The following SPSB4 variants were observed in gnomAD, a reference collection of about 807,000 sequenced individuals.
SPSB4 encodes splA/ryanodine receptor domain and SOCS box containing 4, also known as SPRY domain-containing SOCS box protein 4.
SPSB4 carries 21 observed loss-of-function variants against 20.9 expected under a neutral mutation model. The ratio of observed to expected loss-of-function variants is 1.01; its 90% confidence interval spans 0.71 to 1.45. The LOEUF (loss-of-function observed/expected upper bound fraction) is 1.45. SPSB4 is among the 40% of genes most tolerant of loss of function. The probability of loss-of-function intolerance (pLI) is 0.00; values close to 1 mark genes in which losing one functional copy is unlikely to be tolerated. For synonymous variants in SPSB4, 207 were observed against 183.8 expected (o/e 1.13, Z -1.02); for missense variants, 399 against 399.2 (o/e 1.00, Z 0.00).
intron 2 of SPSB4, among the ~76,000 whole-genome samples, chr3:141,145,160 G>A (rs149766744): frequency 8.4e-4 from 126 of 150,832 alleles, no homozygotes; most frequent in African/African-American, 2.9e-3. Flanking sequence ...CTATTCTGAA[G>A]ATTTTGTACA....
intron 2 of SPSB4, among the ~76,000 whole-genome samples, chr3:141,112,644 CA>C (rs60396514): frequency 0.079 from 2,608 of 32,842 alleles, 24 homozygotes; most frequent in East Asian, 0.19. Flanking sequence ...GACTCCGTCT[CA>C]AAAAAAAAAA....
At chr3:141,109,236 C>A (rs2107797726) in intron 2 of SPSB4, among the ~76,000 whole-genome samples, 1 of 152,226 alleles carries the variant, frequency 6.6e-6, no homozygotes, top group Non-Finnish European at 1.5e-5. Context: ...TCCACTCACA[C>A]CTTGCCATGC....
chr3:141,140,988 C>T (rs1265849434), intron 2 of SPSB4, among the ~76,000 whole-genome samples: 1 of 152,100 alleles, frequency 6.6e-6, no homozygotes, highest in Non-Finnish European at 1.5e-5. Context: ...CCAGTTTGAG[C>T]TTCCTGGCCA....
chr3:141,118,652 T>C (rs951189645), intron 2 of SPSB4, among the ~76,000 whole-genome samples: 3 of 152,232 alleles, frequency 2.0e-5, no homozygotes, highest in African/African-American at 7.2e-5. Flanking sequence ...TAATCCATCT[T>C]GAGTTAATTT....
intron 1 of SPSB4, among the ~76,000 whole-genome samples, chr3:141,061,873 C>A (rs1937772872): frequency 6.6e-6 from 1 of 152,000 alleles, no homozygotes; most frequent in South Asian, 2.1e-4. Flanking sequence ...GTAGCTGGGA[C>A]TACAGGCGTG....
chr3:141,112,983 C>T (rs537362232), intron 2 of SPSB4, among the ~76,000 whole-genome samples: 2 of 152,306 alleles, frequency 1.3e-5, no homozygotes, highest in African/African-American at 4.8e-5. Context: ...CTGGACAGAG[C>T]CCCTCCAGGT....
chr3:141,053,348 A>T (rs182418176), intron 1 of SPSB4, among the ~76,000 whole-genome samples: 7 of 152,098 alleles, frequency 4.6e-5, no homozygotes, highest in African/African-American at 1.7e-4. Flanking sequence ...TTCCATTTTT[A>T]AAAATGGTAA....
rs1423307849 is a variant in SPSB4, at chr3:141,092,081, CTGGATTTG to C, written c.694+25287_694+25294del. On this transcript the variant is annotated intron_variant, in intron 2 of 2. Transcript: ENST00000310546. ...CTGGCAGCATGGGGACAGGCAAGGT[CTGGATTTG>C]TGGGAAGCAGAATGTCAGTTTTGAA... Among the ~76,000 whole-genome samples the C allele has an allele frequency of 3.3e-5, 5 of 152,320 alleles. No homozygotes were observed. In the East Asian group the frequency reaches 9.6e-4, roughly 29 times the overall value.
intron 2 of SPSB4, among the ~76,000 whole-genome samples, chr3:141,087,192 G>A (rs1490466569): frequency 6.6e-6 from 1 of 152,184 alleles, no homozygotes; most frequent in Non-Finnish European, 1.5e-5. Flanking sequence ...TCCTTCTGGG[G>A]CTGGCGTAGC....
At chr3:141,075,733 T>C (rs1054249489) in intron 2 of SPSB4, among the ~76,000 whole-genome samples, 4 of 152,082 alleles carry the variant, frequency 2.6e-5, no homozygotes, top group Non-Finnish European at 5.9e-5. Context: ...CCATGCTGAA[T>C]GATCCCGCAG....
intron 2 of SPSB4, among the ~76,000 whole-genome samples, chr3:141,131,759 T>C (rs899043200): frequency 6.6e-6 from 1 of 152,242 alleles, no homozygotes; most frequent in African/African-American, 2.4e-5. Flanking sequence ...TGCTTTCAGT[T>C]TGGTGCTGTT....
intron 2 of SPSB4, among the ~76,000 whole-genome samples, chr3:141,069,370 C>T (rs982061328): frequency 2.0e-5 from 3 of 152,132 alleles, no homozygotes; most frequent in African/African-American, 7.2e-5. Flanking sequence ...CACCATGAAT[C>T]CCTGGGTTTG....
Position 141,066,467 on chromosome 3 carries a change from T to C in SPSB4, c.363T>C (p.Arg121=). 1 of 1,499,070 alleles carries C rather than the reference T, an allele frequency of 6.7e-7. No homozygotes were observed. The highest frequency in any genetic ancestry group is 8.9e-7 in the Non-Finnish European group (1 of 1,124,220). The allele number at this position is 1,499,070 out of a possible 1,614,324, so 92.9% of individuals were successfully genotyped here. A position where few individuals can be genotyped will look rare whatever the true frequency, so the allele number is the denominator to read the frequency against. ...THAVVGVATA[R]APLHSVGYTA... ...CTGTAGTTGGTGTGGCCACGGCCCGTGCTCCCCTGCACTCCGTGGGCTACA... is the reference window on the plus strand; with the variant it reads ...CTGTAGTTGGTGTGGCCACGGCCCGCGCTCCCCTGCACTCCGTGGGCTACA... Residue 121 remains arginine, a synonymous_variant, in exon 2 of 3, where the codon CGT becomes CGC. Transcript: ENST00000310546.
intron 1 of SPSB4, among the ~76,000 whole-genome samples, chr3:141,054,499 G>A (rs1173856350): frequency 6.6e-6 from 1 of 152,208 alleles, no homozygotes; most frequent in Non-Finnish European, 1.5e-5. Context: ...TCAAGAAATA[G>A]GGATTTGTTT....
At chr3:141,135,646 T>A (rs1939215074) in intron 2 of SPSB4, among the ~76,000 whole-genome samples, 1 of 152,180 alleles carries the variant, frequency 6.6e-6, no homozygotes, top group Non-Finnish European at 1.5e-5. Flanking sequence ...TCCAGCTTCA[T>A]CCATTTCCCT....
chr3:141,076,805 A>C (rs1938119397), intron 2 of SPSB4, among the ~76,000 whole-genome samples: 1 of 152,218 alleles, frequency 6.6e-6, no homozygotes, highest in Admixed American at 6.5e-5. Context: ...GAGTTTACTG[A>C]AGCCAGCATT....
chr3:141,065,592 C>T (rs902030166), intron 1 of SPSB4, among the ~76,000 whole-genome samples: 4 of 152,350 alleles, frequency 2.6e-5, no homozygotes, highest in East Asian at 1.9e-4. Flanking sequence ...GTTCTAGGTC[C>T]GGAACACAGA....
In SPSB4 at chr3:141,131,767, G is replaced by A. The variant is rs570548637; in HGVS notation, c.695-15375G>A. Among the ~76,000 whole-genome samples, 5 of 152,314 alleles carry A rather than the reference G, an allele frequency of 3.3e-5. No individual in the cohort carries two copies. The South Asian group carries it at 8.3e-4, about 25-fold the overall frequency. On this transcript the variant is annotated intron_variant, in intron 2 of 2. Coordinates refer to ENST00000310546, the MANE Select transcript of SPSB4 (RefSeq NM_080862.3). Reference sequence around the variant, plus strand: ...GAATTGTTGCTTTCAGTTTGGTGCTGTTACAAGTAATGCTCCTATGAGCAT... The same window carrying A: ...GAATTGTTGCTTTCAGTTTGGTGCTATTACAAGTAATGCTCCTATGAGCAT...
chr3:141,066,493 C>G lies in SPSB4; in HGVS notation c.389C>G (p.Thr130Arg). ...GCTCCCCTGCACTCCGTGGGCTACA[C>G]GGCGCTGGTAGGCAGTGACGCCGAG... ...ARAPLHSVGY[T>R]ALVGSDAESW... The change falls in exon 2 of 3, where the codon ACG (threonine) becomes AGG (arginine). Residue 130 changes from threonine to arginine, a missense_variant. Coordinates refer to ENST00000310546, the MANE Select transcript of SPSB4 (RefSeq NM_080862.3). 1 of 1,501,492 alleles carries G rather than the reference C, an allele frequency of 6.7e-7. No homozygotes were observed. Among genetic ancestry groups the G allele is most frequent in the Non-Finnish European group, 8.9e-7 (1 of 1,124,586 alleles). The allele number at this position is 1,501,492 out of a possible 1,614,324, so 93.0% of individuals were successfully genotyped here.
Sources: allele counts gnomAD v4.1 joint callset (sites outside exome capture counted in the v4.1 genomes callset), GRCh38; gene constraint gnomAD v4.1.1; transcripts MANE v1.5; gene names NCBI Gene and HGNC (gene_info 2026-07-23, HGNC 2026-07-21).